SHISA6: variants seen among roughly 807,000 people sequenced by gnomAD.
The protein encoded by SHISA6 is shisa family member 6, also known as protein shisa-6.
Under a neutral mutation model 47.9 loss-of-function variants are expected in SHISA6, and 22 were observed. The observed-to-expected ratio is 0.46, with a 90% CI of 0.33 to 0.66. The LOEUF (loss-of-function observed/expected upper bound fraction) is 0.66, where lower values mean the gene tolerates loss of function less well. Among genes scored for constraint, SHISA6 ranks in the 30% least tolerant of loss-of-function variants. The probability of loss-of-function intolerance (pLI) is 0.02; values close to 1 mark genes in which losing one functional copy is unlikely to be tolerated. For missense variants in SHISA6, 680 were observed against 764.6 expected (o/e 0.89, Z 1.30); for synonymous variants, 388 against 337.8 (o/e 1.15, Z -1.63).
chr17:11,336,086 G>A (rs537506973), intron 2 of SHISA6, among the ~76,000 whole-genome samples: 72 of 151,902 alleles, frequency 4.7e-4, no homozygotes, highest in Non-Finnish European at 9.3e-4. Context: ...GTGCATGCCT[G>A]TAGTCCCAGC....
chr17:11,392,167 C>CT (rs530952317), intron 3 of SHISA6, among the ~76,000 whole-genome samples: 804 of 150,066 alleles, frequency 5.4e-3, no homozygotes, highest in Admixed American at 9.3e-3. Context: ...CCCAGTGAAT[C>CT]TTTTTTTTTT....
chr17:11,502,304 G>C (rs1484776232), intron 3 of SHISA6, among the ~76,000 whole-genome samples: 4 of 151,298 alleles, frequency 2.6e-5, no homozygotes, highest in African/African-American at 9.7e-5. Flanking sequence ...AGCTACTCGG[G>C]AGGCTGAGGC....
rs1203973191 is a variant in SHISA6 at position 11,552,040 on chromosome 17, C to T, written c.952+88C>T. ...TGGATGCCTATCAGGGCATCAAACACACGGTCATAAACTCACTGAAGCTAA... is the reference window on the plus strand; with the variant it reads ...TGGATGCCTATCAGGGCATCAAACATACGGTCATAAACTCACTGAAGCTAA... On this transcript the variant is annotated intron_variant, in intron 4 of 5. Transcript: ENST00000441885. 2.1e-6 allele frequency: 3 copies of T among 1,395,908 alleles called. No homozygotes were observed. The African/African-American group carries it at 4.3e-5, about 20-fold the overall frequency. The allele number at this position is 1,395,908 out of a possible 1,614,324, so 86.5% of individuals were successfully genotyped here.
At chr17:11,447,731 G>A (rs149469524) in intron 3 of SHISA6, among the ~76,000 whole-genome samples, 13 of 152,324 alleles carry the variant, frequency 8.5e-5, no homozygotes, top group African/African-American at 3.1e-4. Context: ...CTTCTCATAA[G>A]CTTTGTCATC....
chr17:11,308,489 T>C (rs765527135), intron 2 of SHISA6, among the ~76,000 whole-genome samples: 4 of 152,132 alleles, frequency 2.6e-5, no homozygotes, highest in Non-Finnish European at 5.9e-5. Flanking sequence ...TTTTCCCCTC[T>C]ACCAAAGGCC....
chr17:11,539,121 T>A (rs2071811306), intron 3 of SHISA6, among the ~76,000 whole-genome samples: 1 of 152,140 alleles, frequency 6.6e-6, no homozygotes, highest in African/African-American at 2.4e-5. Flanking sequence ...TTTTTACTTT[T>A]AATAGAGACG....
intron 2 of SHISA6, among the ~76,000 whole-genome samples, chr17:11,325,860 A>G (rs1196524794): frequency 6.6e-6 from 1 of 152,158 alleles, no homozygotes; most frequent in African/African-American, 2.4e-5. Flanking sequence ...ATTATATGCA[A>G]TCTCTAGTTA....
In SHISA6 at chr17:11,264,895, T is replaced by G. The variant is rs143501878; in HGVS notation, c.799+1369T>G. ...CCTGAAAAATACAAATACATATACA[T>G]ATTCATATTCAATCAACAGTTTGTA... On this transcript the variant is annotated intron_variant, in intron 2 of 5. Transcript: ENST00000441885. Among the ~76,000 whole-genome samples the G allele has an allele frequency of 8.5e-3, 1,302 of 152,316 alleles. 23 individuals carry two copies. Among genetic ancestry groups the G allele is most frequent in the African/African-American group, 0.03 (1,256 of 41,572 alleles).
intron 3 of SHISA6, among the ~76,000 whole-genome samples, chr17:11,516,418 C>G (rs562457191): frequency 6.6e-6 from 1 of 152,316 alleles, no homozygotes; most frequent in South Asian, 2.1e-4. Context: ...TTCCTTCAAC[C>G]TTGGTGAGCT....
chr17:11,342,508 GAAA>G (rs758898817), intron 2 of SHISA6, among the ~76,000 whole-genome samples: 5 of 152,084 alleles, frequency 3.3e-5, no homozygotes, highest in Non-Finnish European at 7.4e-5. Flanking sequence ...CCAAAGGGGT[GAAA>G]AAACACATCT....
chr17:11,454,074 C>T (rs1188963546), intron 3 of SHISA6, among the ~76,000 whole-genome samples: 1 of 152,144 alleles, frequency 6.6e-6, no homozygotes. Context: ...TCCGTGTTGG[C>T]TTATATAAAC....
At chr17:11,431,608 T>G (rs1914776919) in intron 3 of SHISA6, among the ~76,000 whole-genome samples, 1 of 152,204 alleles carries the variant, frequency 6.6e-6, no homozygotes, top group African/African-American at 2.4e-5. Flanking sequence ...TTCTTCAAAC[T>G]TCCAGCATGT....
intron 2 of SHISA6, among the ~76,000 whole-genome samples, chr17:11,356,755 GTC>G (rs1199643289): frequency 1.3e-5 from 2 of 152,134 alleles, no homozygotes; most frequent in Non-Finnish European, 2.9e-5. Context: ...GCACAGCAAA[GTC>G]TCTGCTGGCT....
intron 3 of SHISA6, among the ~76,000 whole-genome samples, chr17:11,521,863 T>C (rs2071632717): frequency 6.6e-6 from 1 of 152,194 alleles, no homozygotes; most frequent in Admixed American, 6.5e-5. Context: ...CTTTTCTCTC[T>C]TTGAAGAAAC....
intron 3 of SHISA6, among the ~76,000 whole-genome samples, chr17:11,508,657 A>G (rs535219943): frequency 1.5e-5 from 2 of 134,780 alleles, no homozygotes; most frequent in African/African-American, 5.6e-5. Context: ...GCAATATGGC[A>G]GACAGAGGTG....
In SHISA6 at chr17:11,411,458, G is replaced by A. The variant is rs866726512; in HGVS notation, c.895+31949G>A. 3.4e-4 allele frequency among the ~76,000 whole-genome samples: 51 copies of A among 151,894 alleles called. 1 individual carries two copies. The highest frequency in any genetic ancestry group is 3.4e-3 in the Middle Eastern group (1 of 294). On this transcript the variant is annotated intron_variant, in intron 3 of 5. Transcript: ENST00000441885. ...GTAGCCCAGGCTGGAGTGCAGTGGC[G>A]TGATCTCGGCTCACTGCAACCTCCG...
At chr17:11,510,373 T>C (rs1408176147) in intron 3 of SHISA6, among the ~76,000 whole-genome samples, 1 of 152,108 alleles carries the variant, frequency 6.6e-6, no homozygotes, top group Non-Finnish European at 1.5e-5. Context: ...AGAAGAACAT[T>C]AGCCTGTATC....
At position 11,241,664 on chromosome 17, in the gene SHISA6, T is replaced by TGGC. The variant is rs779401423; in HGVS notation, c.252_254dup (p.Ala85dup). On this transcript the variant is annotated inframe_insertion, in exon 1 of 6. Transcript: ENST00000441885. This position sits in a 1 kb window ranked among gnomAD's most constrained non-coding sequence, Gnocchi z 5.5. Reference sequence around the variant, plus strand: ...CGGCGGGGGCAGCCCGCGGCGGCTGTGGCGGCGGCGGCCAGCGCGGCCGTC... The same window carrying TGGC: ...CGGCGGGGGCAGCCCGCGGCGGCTGTGGCGGCGGCGGCGGCCAGCGCGGCCGTC... 3.3e-5 allele frequency: 48 copies of TGGC among 1,457,596 alleles called. 1 individual carries two copies. In the South Asian group the frequency reaches 5.9e-4, roughly 18 times the overall value. 90.3% of individuals were successfully genotyped at this position (1,457,596 alleles called of 1,614,324 possible).
chr17:11,282,512 T>G (rs1909157695), intron 2 of SHISA6, among the ~76,000 whole-genome samples: 1 of 152,172 alleles, frequency 6.6e-6, no homozygotes, highest in Admixed American at 6.5e-5. Context: ...ACTCATCATT[T>G]ACATTAGGTA....
Sources: allele counts gnomAD v4.1 joint callset (sites outside exome capture counted in the v4.1 genomes callset), GRCh38; gene constraint gnomAD v4.1.1; non-coding constraint Gnocchi (gnomAD v3.1); transcripts MANE v1.5; gene names NCBI Gene and HGNC (gene_info 2026-07-23, HGNC 2026-07-21).